The following RIC1 variants were observed in gnomAD, a reference collection of about 807,000 sequenced individuals.
The protein encoded by RIC1 is guanine nucleotide exchange factor subunit RIC1.
A neutral mutation model predicts 169.0 loss-of-function variants in RIC1; 88 were observed. The ratio of observed to expected loss-of-function variants is 0.52; its 90% CI spans 0.44 to 0.62. The LOEUF is 0.62. RIC1 is among the 20% of genes least tolerant of loss of function. The probability of loss-of-function intolerance (pLI) is 0.00; values close to 1 mark genes in which losing one functional copy is unlikely to be tolerated. For synonymous variants in RIC1, 790 were observed against 601.5 expected, an observed-to-expected ratio of 1.31 and a Z score of -4.59; for missense variants, 1,877 against 1,725.5, an observed-to-expected ratio of 1.09 and a Z score of -1.56.
intron 6 of RIC1, among the ~76,000 whole-genome samples, chr9:5,732,065 GT>G (rs1424893576): frequency 6.6e-6 from 1 of 152,190 alleles, no homozygotes; most frequent in Non-Finnish European, 1.5e-5. Flanking sequence ...CTGTCAAAAT[GT>G]TTACATTCTA....
intron 3 of RIC1, among the ~76,000 whole-genome samples, chr9:5,704,520 C>T (rs11787709): frequency 0.082 from 12,449 of 152,096 alleles, 710 homozygotes; most frequent in East Asian, 0.25. Flanking sequence ...CCTCTCCCTT[C>T]TTTTTAATTG....
chr9:5,735,247 T>C (rs1469129908), intron 7 of RIC1, among the ~76,000 whole-genome samples: 1 of 152,038 alleles, frequency 6.6e-6, no homozygotes, highest in African/African-American at 2.4e-5. Flanking sequence ...CTGTCGTGAC[T>C]AACCTGGAAG....
chr9:5,662,571 G>T (rs1212665089), intron 2 of RIC1, among the ~76,000 whole-genome samples: 1 of 151,926 alleles, frequency 6.6e-6, no homozygotes, highest in African/African-American at 2.4e-5. Context: ...CTTAGGGAGG[G>T]TGTATGTGTC....
intron 1 of RIC1, among the ~76,000 whole-genome samples, chr9:5,647,936 GGGTGGTGGTGGT>G (rs77165192): frequency 1.7e-4 from 21 of 121,242 alleles, no homozygotes; most frequent in African/African-American, 3.6e-4. Flanking sequence ...GTGTGGGGGT[GGGTGGTGGTGGT>G]GGTGGTGGTG....
chr9:5,765,341 G>C lies in RIC1; in HGVS notation c.2842-73G>C. On this transcript the variant is annotated intron_variant, in intron 19 of 25. Coordinates refer to ENST00000414202, the MANE Select transcript of RIC1 (RefSeq NM_020829.4). ...GCTACATTCTTTGAGTTTAGAAAAC[G>C]AGATAAAGAATTGCTCATATCTTCC... The C allele has an allele frequency of 2.0e-6, 3 of 1,474,178 alleles. No individual in the cohort carries two copies. In the South Asian group the frequency reaches 4.0e-5, roughly 19 times the overall value. The allele number at this position is 1,474,178 out of a possible 1,614,324, so 91.3% of individuals were successfully genotyped here.
intron 4 of RIC1, among the ~76,000 whole-genome samples, chr9:5,716,513 T>C (rs1823251534): frequency 6.6e-6 from 1 of 152,204 alleles, no homozygotes; most frequent in South Asian, 2.1e-4. Flanking sequence ...CTCAGGAGGC[T>C]GAGGCACAAT....
chr9:5,678,789 T>C (rs538683132), intron 2 of RIC1, among the ~76,000 whole-genome samples: 7 of 152,320 alleles, frequency 4.6e-5, no homozygotes, highest in Middle Eastern at 3.4e-3. Context: ...TCCCATTCTG[T>C]AGGTTGCCTG....
Position 5,740,481 on chromosome 9 carries a change from G to T in RIC1, c.901+1943G>T, listed in dbSNP as rs183387974. 5.3e-5 allele frequency among the ~76,000 whole-genome samples: 8 copies of T among 151,824 alleles called. No homozygotes were observed. In the East Asian group the frequency reaches 1.5e-3, roughly 29 times the overall value. ...AATAGATACATACATATTTATAAAG[G>T]GGAGTTTATTAAGTATTAATAAATG... On this transcript the variant is annotated intron_variant, in intron 8 of 25. Transcript: ENST00000414202.
intron 4 of RIC1, among the ~76,000 whole-genome samples, chr9:5,718,395 C>G (rs1823395768): frequency 6.6e-6 from 1 of 152,076 alleles, no homozygotes; most frequent in Non-Finnish European, 1.5e-5. Context: ...GGAAGTTAAT[C>G]TACCATGAAG....
At chr9:5,713,776 G>A in intron 3 of RIC1, 120 bp from the exon 4 acceptor site, 1 of 557,302 alleles carries the variant, frequency 1.8e-6, no homozygotes, top group African/African-American at 1.9e-5. Context: ...TTGAGAATCT[G>A]AAGGATGAAT....
At chr9:5,663,312 G>T (rs567327722) in intron 2 of RIC1, among the ~76,000 whole-genome samples, 2 of 152,226 alleles carry the variant, frequency 1.3e-5, no homozygotes, top group East Asian at 3.9e-4. Flanking sequence ...GTTGTTTTAG[G>T]ATGGAGAGTT....
At chr9:5,682,952 G>C (rs568952548) in intron 2 of RIC1, among the ~76,000 whole-genome samples, 1 of 151,912 alleles carries the variant, frequency 6.6e-6, no homozygotes, top group Non-Finnish European at 1.5e-5. Context: ...CCAGTTGATC[G>C]CATCGGCTAC....
At position 5,746,162 on chromosome 9, in the gene RIC1, C is replaced by A. The variant is rs896144458; in HGVS notation, c.1248+79C>A. On this transcript the variant is annotated intron_variant, in intron 11 of 25. Transcript: ENST00000414202. The stretch of plus-strand genomic sequence containing the variant: ...ACCCTTCTTTATGACATATGTATGG[C>A]GTATACTTCTAAAATTGGCATATTA... 3.4e-5 allele frequency: 34 copies of A among 1,008,358 alleles called. 1 individual carries two copies. In the African/African-American group the frequency reaches 4.2e-4, roughly 12 times the overall value. The allele number at this position is 1,008,358 out of a possible 1,614,324, so 62.5% of individuals were successfully genotyped here. A position where few individuals can be genotyped will look rare whatever the true frequency, so the allele number is the denominator to read the frequency against.
intron 2 of RIC1, among the ~76,000 whole-genome samples, chr9:5,683,582 A>T (rs138072159): frequency 1.3e-5 from 2 of 151,950 alleles, no homozygotes; most frequent in African/African-American, 4.8e-5. Context: ...CAGTTATGCT[A>T]CTCAGGGGTC....
chr9:5,655,693 T>C (rs114425560), intron 1 of RIC1, among the ~76,000 whole-genome samples: 2,052 of 152,342 alleles, frequency 0.013, 54 homozygotes, highest in African/African-American at 0.047. Flanking sequence ...AGCCTGTTGA[T>C]GTGATGGATT....
chr9:5,762,494 A>C (rs1267900195), intron 17 of RIC1, 47 bp from the exon 18 acceptor site: 38 of 1,607,368 alleles, frequency 2.4e-5, no homozygotes, highest in Non-Finnish European at 2.9e-5. Context: ...TGCGGAAAGC[A>C]TACCGATACA....
chr9:5,687,657 C>G (rs751205188), intron 2 of RIC1, among the ~76,000 whole-genome samples: 2 of 151,836 alleles, frequency 1.3e-5, no homozygotes, highest in Non-Finnish European at 2.9e-5. Flanking sequence ...TAGTTTTGTT[C>G]TATTGGGATC....
chr9:5,768,589 A>T (rs971853549), intron 21 of RIC1, among the ~76,000 whole-genome samples: 5 of 152,124 alleles, frequency 3.3e-5, no homozygotes, highest in Admixed American at 6.5e-5. Flanking sequence ...GAGAAATTTA[A>T]TTTCACTTTG....
intron 1 of RIC1, among the ~76,000 whole-genome samples, chr9:5,652,842 C>T (rs1171249559): frequency 6.6e-6 from 1 of 152,102 alleles, no homozygotes; most frequent in African/African-American, 2.4e-5. Context: ...ATGGGTTTGT[C>T]ATATATGGCT....
Sources: allele counts gnomAD v4.1 joint callset (sites outside exome capture counted in the v4.1 genomes callset), GRCh38; gene constraint gnomAD v4.1.1; transcripts MANE v1.5; gene names NCBI Gene and HGNC (gene_info 2026-07-23, HGNC 2026-07-21).